The following DLGAP1 variants were observed in gnomAD, a reference collection of about 807,000 sequenced individuals.
DLGAP1 encodes the protein disks large-associated protein 1.
In DLGAP1, 11 loss-of-function variants were observed where a neutral mutation model predicts 90.8. That is an observed-to-expected ratio of 0.12 (90% confidence interval 0.08 to 0.20). DLGAP1 has a LOEUF of 0.20. Ranked by LOEUF, DLGAP1 falls within the 10% of genes least tolerant of loss-of-function variation. DLGAP1 has a pLI of 1.00. For missense variants in DLGAP1, 1,050 were observed against 1,333.8 expected, an observed-to-expected ratio of 0.79 and a Z score of 3.31; for synonymous variants, 558 against 540.7, an observed-to-expected ratio of 1.03 and a Z score of -0.44.
In DLGAP1 at chr18:3,977,434, G is replaced by GTGTTTTTTTTTTTTTTTTT. The variant is rs1555718019; in HGVS notation, c.-73+27681_-73+27682insAAAAAAAAAAAAAAAAACA. Among the ~76,000 whole-genome samples the GTGTTTTTTTTTTTTTTTTT allele has an allele frequency of 8.2e-4, 78 of 95,338 alleles. 1 individual carries two copies. The highest frequency in any genetic ancestry group is 3.1e-3 in the African/African-American group (75 of 23,974). The allele number at this position is 95,338 out of a possible 152,430, so 62.5% of individuals were successfully genotyped here. A position where few individuals can be genotyped will look rare whatever the true frequency, so the allele number is the denominator to read the frequency against. ...AGTTAATGAATTATGTTTATTCTGT[G>GTGTTTTTTTTTTTTTTTTT]TTTTTTTTTTTTTTTTTTTTGCTGA... On this transcript the variant is annotated intron_variant, in intron 3 of 12. Transcript: ENST00000315677.
chr18:3,861,445 T>C (rs1180864077), intron 4 of DLGAP1, among the ~76,000 whole-genome samples: 1 of 152,198 alleles, frequency 6.6e-6, no homozygotes, highest in African/African-American at 2.4e-5. Context: ...GGGCACATGA[T>C]AAAGGCTAAG....
intron 6 of DLGAP1, among the ~76,000 whole-genome samples, chr18:3,741,874 G>T (rs2063067353): frequency 6.7e-6 from 1 of 148,154 alleles, no homozygotes. Context: ...AAAGAGTCTT[G>T]CTATGTCGCC....
intron 1 of DLGAP1, among the ~76,000 whole-genome samples, chr18:4,182,275 G>A (rs1484587191): frequency 6.6e-6 from 1 of 152,008 alleles, no homozygotes; most frequent in Non-Finnish European, 1.5e-5. Flanking sequence ...CTCTCTATTT[G>A]CCTAAAATTG....
chr18:4,269,835 G>A (rs1337055294), intron 1 of DLGAP1, among the ~76,000 whole-genome samples: 1 of 152,140 alleles, frequency 6.6e-6, no homozygotes, highest in Non-Finnish European at 1.5e-5. Flanking sequence ...GGCTGACTAT[G>A]AGTACTAGGG....
chr18:4,138,598 T>A (rs1446071973), intron 2 of DLGAP1, among the ~76,000 whole-genome samples: 1 of 152,064 alleles, frequency 6.6e-6, no homozygotes, highest in East Asian at 1.9e-4. Context: ...AGTAGTTTCC[T>A]TTTCTTTGAT....
chr18:3,749,148 CTTTTTTTTT>C (rs776707431), intron 5 of DLGAP1, among the ~76,000 whole-genome samples: 33 of 120,668 alleles, frequency 2.7e-4, no homozygotes, highest in African/African-American at 8.3e-4. Flanking sequence ...TCTTCTTCTT[CTTTTTTTTT>C]TTTTTTTTTT....
At chr18:3,769,709 G>C (rs2064425149) in intron 5 of DLGAP1, among the ~76,000 whole-genome samples, 1 of 152,084 alleles carries the variant, frequency 6.6e-6, no homozygotes, top group African/African-American at 2.4e-5. Context: ...TGGTGGGGTT[G>C]GGAGGGAAGT....
intron 6 of DLGAP1, among the ~76,000 whole-genome samples, chr18:3,732,809 AG>A (rs1394588235): frequency 1.3e-5 from 2 of 152,136 alleles, no homozygotes; most frequent in Admixed American, 1.3e-4. Flanking sequence ...GTTTCCAAAA[AG>A]CCCTTTCTTT....
chr18:3,520,178 A>C (rs1442336613), intron 10 of DLGAP1, among the ~76,000 whole-genome samples: 2 of 151,428 alleles, frequency 1.3e-5, no homozygotes. Context: ...CCCCCACCCT[A>C]GTGTCTTCTC....
chr18:4,168,639 GA>G (rs2076973306), intron 1 of DLGAP1, among the ~76,000 whole-genome samples: 1 of 152,104 alleles, frequency 6.6e-6, no homozygotes, highest in Admixed American at 6.6e-5. Context: ...CATAAAAGTG[GA>G]AACACAATAT....
rs182085989 is a variant in DLGAP1, at chr18:4,237,875, T to A, written c.-266-86588A>T. Among the ~76,000 whole-genome samples, 63 of 152,292 alleles carry A rather than the reference T, an allele frequency of 4.1e-4. 1 individual carries two copies. Among genetic ancestry groups the A allele is most frequent in the African/African-American group, 1.5e-3 (61 of 41,588 alleles). On this transcript the variant is annotated intron_variant, in intron 1 of 12. Transcript: ENST00000315677. ...AAATGAGTTATGAGTTGTAAAGCTA[T>A]AATAAAAATATTATGATGCAATATT... is the stretch of plus-strand genomic sequence containing the variant.
At chr18:4,445,633 C>T (rs563244994) in intron 1 of DLGAP1, among the ~76,000 whole-genome samples, 72 of 151,924 alleles carry the variant, frequency 4.7e-4, no homozygotes, top group African/African-American at 1.7e-3. Context: ...CAGCTGCTAC[C>T]CCTTGAAAAG....
intron 2 of DLGAP1, among the ~76,000 whole-genome samples, chr18:4,118,370 G>A (rs984665214): frequency 6.6e-5 from 10 of 152,106 alleles, no homozygotes; most frequent in Admixed American, 1.3e-4. Context: ...CAGCAGGTAC[G>A]GAGTGTGTGT....
chr18:3,635,301 TTTTGTA>T (rs1386002324), intron 7 of DLGAP1, among the ~76,000 whole-genome samples: 3 of 151,754 alleles, frequency 2.0e-5, no homozygotes, highest in African/African-American at 4.8e-5. Context: ...CGGCTGATTT[TTTTGTA>T]TTGTATTTTT....
At chr18:4,418,349 AACAG>A (rs1274674893) in intron 1 of DLGAP1, among the ~76,000 whole-genome samples, 5 of 152,218 alleles carry the variant, frequency 3.3e-5, no homozygotes, top group African/African-American at 1.2e-4. Context: ...ACACACTCCC[AACAG>A]ACAAAGTAAG....
intron 2 of DLGAP1, among the ~76,000 whole-genome samples, chr18:4,100,578 TCAG>T (rs1489504279): frequency 6.6e-6 from 1 of 152,120 alleles, no homozygotes. Flanking sequence ...AACAAGAGAG[TCAG>T]CCTGTCCTTT....
chr18:3,972,405 C>A (rs1212980260), intron 3 of DLGAP1, among the ~76,000 whole-genome samples: 1 of 151,952 alleles, frequency 6.6e-6, no homozygotes. Context: ...ATAACTCTCC[C>A]TAGTCCTCTG....
chr18:4,286,628 T>C (rs2079699756), intron 1 of DLGAP1, among the ~76,000 whole-genome samples: 1 of 152,104 alleles, frequency 6.6e-6, no homozygotes, highest in Non-Finnish European at 1.5e-5. Context: ...GGAATGACCC[T>C]TCAGTCACTC....
intron 1 of DLGAP1, among the ~76,000 whole-genome samples, chr18:4,408,346 T>C (rs992973758): frequency 1.3e-5 from 2 of 152,076 alleles, no homozygotes; most frequent in Non-Finnish European, 2.9e-5. Flanking sequence ...AGAACTAAAA[T>C]AGTAGGCAGT....
Sources: gnomAD v4.1 joint callset for allele counts (sites outside exome capture counted in the v4.1 genomes callset) on GRCh38, gnomAD v4.1.1 for gene constraint, MANE v1.5 for transcripts, NCBI Gene and HGNC (gene_info 2026-07-23, HGNC 2026-07-21) for gene names.